SRRM4: variants seen among roughly 807,000 people sequenced by gnomAD.
The protein encoded by SRRM4 is serine/arginine repetitive matrix 4.
Under a neutral mutation model 68.9 loss-of-function variants are expected in SRRM4, and 33 were observed. The ratio of observed to expected loss-of-function variants is 0.48; its 90% CI spans 0.36 to 0.64. The LOEUF (loss-of-function observed/expected upper bound fraction) is 0.64, where lower values mean the gene tolerates loss of function less well. Ranked by LOEUF, SRRM4 falls within the 30% of genes least tolerant of loss-of-function variation. The probability of loss-of-function intolerance (pLI) is 0.00; values close to 1 mark genes in which losing one functional copy is unlikely to be tolerated. For missense variants in SRRM4, 817 were observed against 827.1 expected, an observed-to-expected ratio of 0.99 and a Z score of 0.15; for synonymous variants, 318 against 318.8, an observed-to-expected ratio of 1.00 and a Z score of 0.03.
chr12:119,077,570 T>A (rs1231891503), intron 1 of SRRM4, among the ~76,000 whole-genome samples: 1 of 152,188 alleles, frequency 6.6e-6, no homozygotes, highest in African/African-American at 2.4e-5. Flanking sequence ...GACCCCAAAA[T>A]GTCAACTATT....
chr12:118,982,664 A>ATT lies in SRRM4; in HGVS notation c.131+654_131+655dup, dbSNP rs1448771127. ...GTGAAGATGATCTTGGAAGAGTTTTATTTTGTTTTTTTTTGTTTTTTTTTT... is the reference window on the plus strand; with the variant it reads ...GTGAAGATGATCTTGGAAGAGTTTTATTTTTTGTTTTTTTTTGTTTTTTTTTT... On this transcript the variant is annotated intron_variant, in intron 1 of 12. Transcript: ENST00000267260. Among the ~76,000 whole-genome samples, 228 of 59,298 alleles carry ATT rather than the reference A, an allele frequency of 3.8e-3. 5 individuals carry two copies. The highest frequency in any genetic ancestry group is 0.038 in the East Asian group (123 of 3,204). The allele number at this position is 59,298 out of a possible 152,430, so 38.9% of individuals were successfully genotyped here.
chr12:119,021,776 T>G (rs576731757), intron 1 of SRRM4, among the ~76,000 whole-genome samples: 2 of 152,250 alleles, frequency 1.3e-5, no homozygotes, highest in Non-Finnish European at 2.9e-5. Context: ...TTTTTGTGGC[T>G]GCATAGTATT....
intron 1 of SRRM4, among the ~76,000 whole-genome samples, chr12:119,058,768 C>T (rs1953792667): frequency 6.6e-6 from 1 of 152,150 alleles, no homozygotes; most frequent in South Asian, 2.1e-4. Context: ...GCTCCATTCC[C>T]CTACCTCTCT....
At chr12:119,003,014 G>A (rs1226932127) in intron 1 of SRRM4, among the ~76,000 whole-genome samples, 1 of 151,824 alleles carries the variant, frequency 6.6e-6, no homozygotes, top group Non-Finnish European at 1.5e-5. Context: ...GAGAAACCTG[G>A]AGCTCAGAGG....
chr12:119,083,772 G>T (rs1159632940), intron 1 of SRRM4, among the ~76,000 whole-genome samples: 1 of 152,176 alleles, frequency 6.6e-6, no homozygotes, highest in Non-Finnish European at 1.5e-5. Flanking sequence ...TGACAGTGCA[G>T]CTGCCCAGAA....
intron 1 of SRRM4, among the ~76,000 whole-genome samples, chr12:119,051,355 G>C (rs1184508023): frequency 6.6e-6 from 1 of 152,188 alleles, no homozygotes; most frequent in Non-Finnish European, 1.5e-5. Context: ...CCAACACTGG[G>C]AGAAAAGTAA....
intron 1 of SRRM4, among the ~76,000 whole-genome samples, chr12:119,015,658 T>A (rs1953476690): frequency 6.6e-6 from 1 of 152,160 alleles, no homozygotes; most frequent in African/African-American, 2.4e-5. Context: ...ATTGTATAGA[T>A]GCATCATTTA....
intron 7 of SRRM4, among the ~76,000 whole-genome samples, chr12:119,126,653 G>A (rs1330364147): frequency 6.6e-6 from 1 of 152,182 alleles, no homozygotes; most frequent in Non-Finnish European, 1.5e-5. Flanking sequence ...GTCCCAACCT[G>A]AGAAGGCATC....
chr12:119,014,350 T>C (rs895403355), intron 1 of SRRM4, among the ~76,000 whole-genome samples: 1 of 152,134 alleles, frequency 6.6e-6, no homozygotes, highest in Non-Finnish European at 1.5e-5. Flanking sequence ...GGAGAAGGGA[T>C]AGGAATTAAA....
intron 1 of SRRM4, among the ~76,000 whole-genome samples, chr12:119,098,592 G>A (rs571139795): frequency 1.3e-5 from 2 of 152,310 alleles, no homozygotes; most frequent in African/African-American, 4.8e-5. Flanking sequence ...CAATTTGATA[G>A]AAGACAATTA....
At chr12:119,120,923 G>C (rs952936791) in intron 5 of SRRM4, among the ~76,000 whole-genome samples, 1 of 152,182 alleles carries the variant, frequency 6.6e-6, no homozygotes, top group East Asian at 1.9e-4. Context: ...AGTGACGATG[G>C]CTTCTTAAAT....
intron 2 of SRRM4, among the ~76,000 whole-genome samples, chr12:119,112,060 A>G (rs1267782879): frequency 6.6e-6 from 1 of 152,126 alleles, no homozygotes; most frequent in East Asian, 1.9e-4. Context: ...AAAAGAAAAA[A>G]AAAAAGAATT....
intron 1 of SRRM4, among the ~76,000 whole-genome samples, chr12:119,075,284 TA>T (rs958324201): frequency 3.9e-5 from 6 of 152,222 alleles, no homozygotes; most frequent in African/African-American, 9.6e-5. Flanking sequence ...ATGAGCAAAG[TA>T]AAAAAAATTA....
intron 1 of SRRM4, among the ~76,000 whole-genome samples, chr12:118,986,556 A>G (rs895717854): frequency 5.3e-5 from 8 of 152,176 alleles, no homozygotes; most frequent in African/African-American, 1.9e-4. Flanking sequence ...CCCCACCTCC[A>G]GTTCTGAGAC....
chr12:118,999,285 G>A (rs1272095291), intron 1 of SRRM4, among the ~76,000 whole-genome samples: 1 of 152,186 alleles, frequency 6.6e-6, no homozygotes, highest in Non-Finnish European at 1.5e-5. Context: ...GTGCTGGGAG[G>A]CTGCAGGAGC....
intron 7 of SRRM4, among the ~76,000 whole-genome samples, chr12:119,127,432 G>C (rs1309887219): frequency 2.0e-5 from 3 of 152,030 alleles, no homozygotes; most frequent in African/African-American, 7.2e-5. Flanking sequence ...ATATCTATAG[G>C]AAAAGGGAGG....
intron 1 of SRRM4, among the ~76,000 whole-genome samples, chr12:119,082,033 C>T (rs959954898): frequency 1.6e-4 from 25 of 152,312 alleles, no homozygotes; most frequent in African/African-American, 5.5e-4. Flanking sequence ...CGGATCAGCA[C>T]GCCACACAGT....
chr12:119,060,409 C>T (rs754165226), intron 1 of SRRM4, among the ~76,000 whole-genome samples: 23 of 147,862 alleles, frequency 1.6e-4, no homozygotes, highest in Non-Finnish European at 3.3e-4. Context: ...TCCATGTGAG[C>T]GCTCCCACAC....
intron 6 of SRRM4, among the ~76,000 whole-genome samples, 164 bp downstream of exon 6, chr12:119,122,284 C>CAGGAAGGCAGGA (rs1432310929): frequency 2.0e-5 from 2 of 97,738 alleles, no homozygotes; most frequent in African/African-American, 8.5e-5. Flanking sequence ...GGCAGGAAGG[C>CAGGAAGGCAGGA]AGGAAGGCAG....
Sources: allele counts gnomAD v4.1 joint callset (sites outside exome capture counted in the v4.1 genomes callset), GRCh38; gene constraint gnomAD v4.1.1; transcripts MANE v1.5; gene names NCBI Gene and HGNC (gene_info 2026-07-23, HGNC 2026-07-21).